The following ASH2L variants were observed in gnomAD, a reference collection of about 807,000 sequenced individuals.
The protein encoded by ASH2L is ASH2 like, histone lysine methyltransferase complex subunit.
In ASH2L, 30 loss-of-function variants were observed where a neutral mutation model predicts 81.1. The ratio of observed to expected loss-of-function variants is 0.37; its 90% confidence interval spans 0.28 to 0.50. The LOEUF (loss-of-function observed/expected upper bound fraction) is 0.50. Ranked by LOEUF, ASH2L falls within the 20% of genes least tolerant of loss-of-function variation. The pLI is 0.95. For synonymous variants in ASH2L, 273 were observed against 279.9 expected (o/e 0.98, Z 0.24); for missense variants, 559 against 792.1 (o/e 0.71, Z 3.53).
chr8:38,128,070 A>G (rs1202893878), intron 10 of ASH2L, among the ~76,000 whole-genome samples: 3 of 152,032 alleles, frequency 2.0e-5, no homozygotes, highest in Non-Finnish European at 4.4e-5. Context: ...AATCACATGT[A>G]ATAAAAACTA....
intron 12 of ASH2L, among the ~76,000 whole-genome samples, chr8:38,131,082 G>A (rs1802042776): frequency 6.6e-6 from 1 of 152,158 alleles, no homozygotes; most frequent in Non-Finnish European, 1.5e-5. Flanking sequence ...ATGTATCACA[G>A]TGTCTTGGTT....
chr8:38,112,392 A>G (rs778369905), intron 5 of ASH2L, among the ~76,000 whole-genome samples: 49 of 151,768 alleles, frequency 3.2e-4, no homozygotes, highest in Admixed American at 1.8e-3. Flanking sequence ...CTCAATTTGC[A>G]TTTGACTTTC....
chr8:38,135,318 G>A (rs938277550), intron 13 of ASH2L, among the ~76,000 whole-genome samples: 12 of 152,088 alleles, frequency 7.9e-5, no homozygotes, highest in African/African-American at 1.2e-4. Context: ...ATATGGTGGT[G>A]TATGCCTGTA....
intron 5 of ASH2L, among the ~76,000 whole-genome samples, chr8:38,112,581 G>A (rs1810732884): frequency 6.6e-6 from 1 of 152,038 alleles, no homozygotes; most frequent in Admixed American, 6.6e-5. Context: ...AACATCTTTG[G>A]CAAGAATATT....
At chr8:38,115,112 A>T (rs913544735) in intron 7 of ASH2L, 112 bp downstream of exon 7, 1 of 704,102 alleles carries the variant, frequency 1.4e-6, no homozygotes, top group Non-Finnish European at 2.5e-6. Flanking sequence ...CATTATATGC[A>T]CATAGCATGG....
intron 5 of ASH2L, among the ~76,000 whole-genome samples, chr8:38,111,922 T>C (rs1443495616): frequency 6.6e-6 from 1 of 152,214 alleles, no homozygotes; most frequent in African/African-American, 2.4e-5. Context: ...AATATCCTCC[T>C]CTATAGCTTC....
At chr8:38,106,256 G>A in intron 1 of ASH2L, 122 bp from the exon 2 acceptor site, 2 of 1,373,328 alleles carry the variant, frequency 1.5e-6, no homozygotes, top group Admixed American at 1.8e-5. Flanking sequence ...TCTGAGATCA[G>A]GCTTAGCTGA....
At position 38,114,925 on chromosome 8, in the gene ASH2L, C is replaced by T. The variant is rs755758771; in HGVS notation, c.702C>T (p.Phe234=). Residue 234 remains phenylalanine, a synonymous_variant, in exon 7 of 16, where the codon TTC becomes TTT. Coordinates refer to ENST00000343823, the MANE Select transcript of ASH2L (RefSeq NM_004674.5). ...VKTMSKERDV[F]LVKEHPDPGS... ...TTTAGAGTAAAGAAAGAGATGTATT[C>T]TTGGTAAAGGAACACCCAGATCCAG... is the stretch of plus-strand genomic sequence containing the variant. The T allele has an allele frequency of 1.2e-6, 2 of 1,610,706 alleles. No homozygotes were observed. The highest frequency in any genetic ancestry group is 1.7e-6 in the Non-Finnish European group (2 of 1,177,264).
rs778962540 is a variant in ASH2L at position 38,128,764 on chromosome 8, T to C, written c.1340T>C (p.Leu447Pro). The stretch of plus-strand genomic sequence containing the variant: ...TATGTTTTTATTGGGACAGGAAACC[T>C]TCAAGCTCCTTTAGGTTATGATAAA... Reference protein sequence around the residue: ...RLGWSQPLGNLQAPLGYDKFS... With the variant: ...RLGWSQPLGNPQAPLGYDKFS... The change falls in exon 12 of 16, where the codon CTT becomes CCT. Residue 447 changes from leucine to proline, a missense_variant. Physicochemically the swap from Leu to Pro is moderately conservative, Grantham distance 98 (BLOSUM62 -3). Transcript: ENST00000343823. 2 of 1,610,958 alleles carry C rather than the reference T, an allele frequency of 1.2e-6. No individual in the cohort carries two copies. Among genetic ancestry groups the C allele is most frequent in the Non-Finnish European group, 1.7e-6 (2 of 1,179,434 alleles).
At chr8:38,138,668 T>A (rs1372947691) in intron 14 of ASH2L, 148 bp from the exon 15 acceptor site, 2 of 619,120 alleles carry the variant, frequency 3.2e-6, no homozygotes, top group African/African-American at 3.7e-5. Flanking sequence ...TGACCACTTT[T>A]AGTAATATTT....
intron 10 of ASH2L, among the ~76,000 whole-genome samples, chr8:38,121,810 T>G (rs1021378867): frequency 6.6e-6 from 1 of 152,208 alleles, no homozygotes; most frequent in African/African-American, 2.4e-5. Context: ...ATTCATGATG[T>G]CAGTAGGTCT....
chr8:38,119,331 A>T lies in ASH2L; in HGVS notation c.915A>T (p.Gly305=), dbSNP rs1811037057. 1.9e-6 allele frequency: 3 copies of T among 1,546,714 alleles called. No homozygotes were observed. The East Asian group carries it at 7.4e-5, about 38-fold the overall frequency. The change falls in exon 9 of 16, where the codon GGA becomes GGT. Residue 305 remains glycine (G), a synonymous_variant. Coordinates refer to ENST00000343823, the MANE Select transcript of ASH2L (RefSeq NM_004674.5). ...GAGCCAAGCGCAAACAGCAGGATGG[A>T]GGGACCACAGGGACCACCAAGAAGG... ...GRGAKRKQQD[G]GTTGTTKKAR...
intron 3 of ASH2L, 113 bp downstream of exon 3, chr8:38,107,279 C>A: frequency 7.5e-7 from 1 of 1,329,996 alleles, no homozygotes; most frequent in Non-Finnish European, 1.1e-6. Flanking sequence ...GTCTCCTAAC[C>A]CCTATTCAGC....
At chr8:38,120,139 A>G (rs1811076445) in intron 9 of ASH2L, among the ~76,000 whole-genome samples, 1 of 152,084 alleles carries the variant, frequency 6.6e-6, no homozygotes, top group Non-Finnish European at 1.5e-5. Context: ...AACAAAACAA[A>G]CCCAAGTTTA....
intron 12 of ASH2L, among the ~76,000 whole-genome samples, chr8:38,132,964 G>A (rs1471386183): frequency 6.6e-6 from 1 of 152,078 alleles, no homozygotes; most frequent in African/African-American, 2.4e-5. Context: ...CGGGTGTGGT[G>A]TAATCCCAGC....
At chr8:38,137,554 C>T (rs184388724) in intron 14 of ASH2L, 1 of 152,046 alleles carries the variant, frequency 6.6e-6, no homozygotes, top group Admixed American at 6.6e-5. Flanking sequence ...CAGAGCGAGA[C>T]TCTGTCTCAA....
intron 14 of ASH2L, among the ~76,000 whole-genome samples, chr8:38,137,202 A>T (rs574165019): frequency 3.4e-4 from 52 of 152,064 alleles, no homozygotes; most frequent in African/African-American, 1.2e-3. Flanking sequence ...AGAGATCGAG[A>T]CCATCCTGGC....
chr8:38,115,855 C>T (rs1203070130), intron 7 of ASH2L, among the ~76,000 whole-genome samples: 1 of 152,166 alleles, frequency 6.6e-6, no homozygotes, highest in Admixed American at 6.5e-5. Context: ...CTTGGCCTAC[C>T]TCACACATAC....
rs1156587378 is a variant in ASH2L, at chr8:38,106,511, T to TG, written c.255+67_255+68insG. On this transcript the variant is annotated intron_variant, in intron 2 of 15. Transcript: ENST00000343823. ...TTTAGTTATTTCTTCTTCTTCTTTT[T>TG]TTTTTTTTTTTGTTGCGACGGAGCC... 2.2e-6 allele frequency: 3 copies of TG among 1,363,914 alleles called. No homozygotes were observed. In the East Asian group the frequency reaches 7.1e-5, roughly 32 times the overall value. 84.5% of individuals were successfully genotyped at this position (1,363,914 alleles called of 1,614,324 possible).
Sources: gnomAD v4.1 joint callset for allele counts (sites outside exome capture counted in the v4.1 genomes callset) on GRCh38, gnomAD v4.1.1 for gene constraint, MANE v1.5 for transcripts, NCBI Gene and HGNC (gene_info 2026-07-23, HGNC 2026-07-21) for gene names.